The following USP31 variants were observed in gnomAD, a reference collection of about 807,000 sequenced individuals.
The protein encoded by USP31 is ubiquitin specific peptidase 31.
Under a neutral mutation model 119.4 loss-of-function variants are expected in USP31, and 44 were observed. That is an observed-to-expected ratio of 0.37 (90% CI 0.29 to 0.47). The LOEUF (loss-of-function observed/expected upper bound fraction) is 0.47, where lower values mean the gene tolerates loss of function less well. Ranked by LOEUF, USP31 falls within the 20% of genes least tolerant of loss-of-function variation. The pLI, the probability that USP31 is intolerant of heterozygous loss-of-function variation, is 0.99. For synonymous variants in USP31, 749 were observed against 705.6 expected (o/e 1.06, Z -0.97); for missense variants, 1,643 against 1,730.2 (o/e 0.95, Z 0.89).
At position 23,127,647 on chromosome 16, in the gene USP31, T is replaced by G. The variant is rs1211002441; in HGVS notation, c.634-19464A>C. Among the ~76,000 whole-genome samples the G allele has an allele frequency of 2.0e-5, 3 of 149,742 alleles. 1 individual carries two copies. Among genetic ancestry groups the G allele is most frequent in the Non-Finnish European group, 3.0e-5 (2 of 66,994 alleles). On this transcript the variant is annotated intron_variant, in intron 1 of 15. Transcript: ENST00000219689. ...GCGCCTGGCTAATTTTTGTAGTTTT[T>G]TTTTTTTTTTTTTGTAGAGACGGGG... is the stretch of plus-strand genomic sequence containing the variant.
intron 1 of USP31, among the ~76,000 whole-genome samples, chr16:23,132,737 T>C (rs1046144219): frequency 1.3e-5 from 2 of 152,214 alleles, no homozygotes; most frequent in Non-Finnish European, 2.9e-5. Context: ...TAATAAAAGT[T>C]TTCTTGGGAT....
chr16:23,131,757 C>A (rs770923670), intron 1 of USP31, among the ~76,000 whole-genome samples: 1 of 152,134 alleles, frequency 6.6e-6, no homozygotes, highest in Non-Finnish European at 1.5e-5. Flanking sequence ...TGGCCCTACA[C>A]AAATAAGCGG....
chr16:23,098,413 GTTTCAA>G (rs1028180468), intron 6 of USP31, among the ~76,000 whole-genome samples: 12 of 152,238 alleles, frequency 7.9e-5, no homozygotes, highest in Middle Eastern at 3.4e-3. Context: ...GTAATTTACA[GTTTCAA>G]TGCCATTCCC....
chr16:23,084,304 C>A (rs1479923613), intron 11 of USP31, among the ~76,000 whole-genome samples: 2 of 152,228 alleles, frequency 1.3e-5, no homozygotes, highest in African/African-American at 2.4e-5. Flanking sequence ...TAAATACTTA[C>A]TGGGTCCCTA....
chr16:23,143,588 G>GT (rs959602055), intron 1 of USP31, among the ~76,000 whole-genome samples: 1 of 150,990 alleles, frequency 6.6e-6, no homozygotes, highest in East Asian at 1.9e-4. Flanking sequence ...GAGAGGTTGG[G>GT]GGGGGGGAGA....
At position 23,067,852 on chromosome 16, in the gene USP31, G is replaced by T; in HGVS notation, c.*194C>A. The T allele has an allele frequency of 1.5e-6, 1 of 651,356 alleles. No individual in the cohort carries two copies. The highest frequency in any genetic ancestry group is 2.4e-6 in the Non-Finnish European group (1 of 415,724). 40.3% of individuals were successfully genotyped at this position (651,356 alleles called of 1,614,324 possible). A position where few individuals can be genotyped will look rare whatever the true frequency, so the allele number is the denominator to read the frequency against. The stretch of plus-strand genomic sequence containing the variant: ...GCCTATGGCTGTTATTTGGTTCAAT[G>T]GCAGAATAAGGCGACGCTTTGAACA... On this transcript the variant is annotated 3_prime_UTR_variant, in exon 16 of 16. Transcript: ENST00000219689.
chr16:23,092,028 T>C (rs1408114078), intron 6 of USP31, among the ~76,000 whole-genome samples: 5 of 152,232 alleles, frequency 3.3e-5, no homozygotes, highest in African/African-American at 7.2e-5. Flanking sequence ...GGATGCCACA[T>C]TGTCAACTGC....
chr16:23,094,204 T>C (rs138849194), intron 6 of USP31, among the ~76,000 whole-genome samples: 3,811 of 152,246 alleles, frequency 0.025, 57 homozygotes, highest in African/African-American at 0.041. Flanking sequence ...CTCCCATGCC[T>C]GGCTCGGTGG....
chr16:23,097,046 A>G (rs1901644048), intron 6 of USP31, among the ~76,000 whole-genome samples: 1 of 152,190 alleles, frequency 6.6e-6, no homozygotes, highest in Non-Finnish European at 1.5e-5. Context: ...AAATAAATGA[A>G]TCTAGGAGCT....
At chr16:23,072,572 C>A in intron 14 of USP31, 1 of 515,216 alleles carries the variant, frequency 1.9e-6, no homozygotes, top group Non-Finnish European at 3.4e-6. Context: ...TAAGCAATTG[C>A]AGTAATATTT....
At chr16:23,079,781 G>A (rs774094737) in intron 13 of USP31, 165 bp downstream of exon 13, 31 of 605,744 alleles carry the variant, frequency 5.1e-5, no homozygotes, top group African/African-American at 2.1e-4. Context: ...AAGAATGTTC[G>A]TTTATTTGCT....
intron 1 of USP31, among the ~76,000 whole-genome samples, chr16:23,131,263 C>CT (rs1184557109): frequency 6.6e-6 from 1 of 152,186 alleles, no homozygotes; most frequent in Non-Finnish European, 1.5e-5. Flanking sequence ...GATCATGCCA[C>CT]TGCACTCCAG....
intron 1 of USP31, among the ~76,000 whole-genome samples, chr16:23,114,538 A>C (rs574048347): frequency 1.3e-5 from 2 of 152,294 alleles, no homozygotes; most frequent in South Asian, 4.1e-4. Flanking sequence ...TTCAAAGCAG[A>C]TATTTTATAC....
At chr16:23,101,982 A>C (rs943764383) in intron 6 of USP31, among the ~76,000 whole-genome samples, 2 of 150,904 alleles carry the variant, frequency 1.3e-5, no homozygotes, top group South Asian at 2.1e-4. Context: ...AAAAAAAAAA[A>C]AAAAAAAAAA....
chr16:23,098,635 T>C, intron 6 of USP31, among the ~76,000 whole-genome samples: 1 of 151,932 alleles, frequency 6.6e-6, no homozygotes, highest in East Asian at 1.9e-4. Context: ...TATAGACCAA[T>C]GGAACAGAAC....
At chr16:23,125,571 A>C (rs1163510684) in intron 1 of USP31, among the ~76,000 whole-genome samples, 1 of 152,210 alleles carries the variant, frequency 6.6e-6, no homozygotes, top group Non-Finnish European at 1.5e-5. Context: ...TGTCACTATT[A>C]AAATTGTGAA....
At chr16:23,107,986 T>C in intron 2 of USP31, 60 bp downstream of exon 2, 1 of 1,540,464 alleles carries the variant, frequency 6.5e-7, no homozygotes, top group South Asian at 1.3e-5. Context: ...AAGTCCTCAG[T>C]AGAAGAATCT....
intron 1 of USP31, among the ~76,000 whole-genome samples, chr16:23,132,963 A>C (rs1275435974): frequency 6.6e-6 from 1 of 152,206 alleles, no homozygotes; most frequent in African/African-American, 2.4e-5. Context: ...ATACATTTTT[A>C]TAAGCTCAAA....
At chr16:23,085,826 AC>A in intron 9 of USP31, among the ~76,000 whole-genome samples, 164 bp from the exon 10 acceptor site, 1 of 152,368 alleles carries the variant, frequency 6.6e-6, no homozygotes, top group East Asian at 1.9e-4. Context: ...GACCACTATA[AC>A]CACTGATTTA....
Sources: gnomAD v4.1 joint callset for allele counts (sites outside exome capture counted in the v4.1 genomes callset) on GRCh38, gnomAD v4.1.1 for gene constraint, MANE v1.5 for transcripts, NCBI Gene and HGNC (gene_info 2026-07-23, HGNC 2026-07-21) for gene names.